The following CSMD1 variants were observed in gnomAD, a reference collection of about 807,000 sequenced individuals.
CSMD1 encodes the protein CUB and sushi domain-containing protein 1.
In CSMD1, 213 loss-of-function variants were observed where a neutral mutation model predicts 417.5. That is an observed-to-expected ratio of 0.51 (90% CI 0.46 to 0.57). CSMD1 has a LOEUF of 0.57. Ranked by LOEUF, CSMD1 falls within the 20% of genes least tolerant of loss-of-function variation. CSMD1 has a pLI of 0.00. For missense variants in CSMD1, 6,923 were observed against 4,529.7 expected, an observed-to-expected ratio of 1.53 and a Z score of -15.17; for synonymous variants, 2,862 against 1,736.8, an observed-to-expected ratio of 1.65 and a Z score of -16.11.
At chr8:3,829,616 A>C (rs576914682) in intron 5 of CSMD1, among the ~76,000 whole-genome samples, 1 of 152,308 alleles carries the variant, frequency 6.6e-6, no homozygotes, top group African/African-American at 2.4e-5. Flanking sequence ...GGAGAGCTGA[A>C]GAAAAAGATG....
intron 5 of CSMD1, among the ~76,000 whole-genome samples, chr8:3,933,211 T>TAAC (rs1478649373): frequency 7.4e-6 from 1 of 135,822 alleles, no homozygotes; most frequent in African/African-American, 2.8e-5. Context: ...AAACAATTTC[T>TAAC]TGTTAAGTAG....
At chr8:4,243,805 G>C (rs557299396) in intron 3 of CSMD1, among the ~76,000 whole-genome samples, 2 of 152,242 alleles carry the variant, frequency 1.3e-5, no homozygotes, top group Admixed American at 6.5e-5. Context: ...TCATGACAAG[G>C]TCATCTTTAC....
chr8:4,228,959 G>A (rs946497474), intron 3 of CSMD1, among the ~76,000 whole-genome samples: 2 of 152,082 alleles, frequency 1.3e-5, no homozygotes, highest in African/African-American at 4.8e-5. Flanking sequence ...GAGCCACTGA[G>A]CCAAGCCAGG....
chr8:3,878,452 G>A (rs1805979299), intron 5 of CSMD1, among the ~76,000 whole-genome samples: 1 of 151,986 alleles, frequency 6.6e-6, no homozygotes, highest in Non-Finnish European at 1.5e-5. Flanking sequence ...CCTTTCCAGT[G>A]TAAACATGAA....
At chr8:4,162,615 A>G (rs938250669) in intron 3 of CSMD1, among the ~76,000 whole-genome samples, 2 of 152,142 alleles carry the variant, frequency 1.3e-5, no homozygotes, top group South Asian at 2.1e-4. Context: ...TTCTAGGTTC[A>G]CAAAAAACAT....
intron 2 of CSMD1, among the ~76,000 whole-genome samples, chr8:4,444,901 G>C (rs1154064): frequency 0.68 from 103,648 of 152,004 alleles, 35,630 homozygotes; most frequent in African/African-American, 0.77. Context: ...CTCTGACCTT[G>C]TCCAGGTCTT....
At chr8:2,977,666 T>C (rs569838962) in intron 55 of CSMD1, among the ~76,000 whole-genome samples, 6 of 152,286 alleles carry the variant, frequency 3.9e-5, no homozygotes, top group East Asian at 1.9e-4. Flanking sequence ...ATGAAAATCG[T>C]TGCAATCTAT....
intron 7 of CSMD1, among the ~76,000 whole-genome samples, chr8:3,705,121 A>C (rs17067053): frequency 0.14 from 21,345 of 152,230 alleles, 1,830 homozygotes; most frequent in East Asian, 0.24. Flanking sequence ...CTCTGTTTGC[A>C]AAAGGGTGAA....
At chr8:3,391,869 T>C (rs1435830008) in intron 17 of CSMD1, among the ~76,000 whole-genome samples, 1 of 152,192 alleles carries the variant, frequency 6.6e-6, no homozygotes, top group Non-Finnish European at 1.5e-5. Context: ...GGAGTGTTTA[T>C]AATGTGAAAC....
intron 8 of CSMD1, among the ~76,000 whole-genome samples, chr8:3,609,366 A>G (rs1195290465): frequency 2.0e-5 from 3 of 152,232 alleles, no homozygotes; most frequent in Admixed American, 1.3e-4. Flanking sequence ...TGTGATGAAT[A>G]CACTTTGTCT....
At chr8:3,363,959 T>A (rs757857991) in intron 20 of CSMD1, among the ~76,000 whole-genome samples, 1 of 152,106 alleles carries the variant, frequency 6.6e-6, no homozygotes, top group Admixed American at 6.5e-5. Context: ...ACCGTTAACA[T>A]CTGCAGAAAT....
At chr8:3,255,231 G>GT (rs1800563226) in intron 26 of CSMD1, among the ~76,000 whole-genome samples, 1 of 152,080 alleles carries the variant, frequency 6.6e-6, no homozygotes, top group Non-Finnish European at 1.5e-5. Flanking sequence ...TCCTCTGGAA[G>GT]TTTTTCTCAG....
chr8:4,516,389 G>A (rs909278998), intron 2 of CSMD1, among the ~76,000 whole-genome samples: 1 of 152,166 alleles, frequency 6.6e-6, no homozygotes, highest in Non-Finnish European at 1.5e-5. Context: ...ATGGCAGCCT[G>A]AGACTAACAC....
At chr8:4,100,812 A>C (rs865997730) in intron 3 of CSMD1, among the ~76,000 whole-genome samples, 1 of 152,214 alleles carries the variant, frequency 6.6e-6, no homozygotes, top group Non-Finnish European at 1.5e-5. Context: ...TAAAAAGTTA[A>C]AAGTTAAACA....
At chr8:4,890,950 G>A (rs569208336) in intron 1 of CSMD1, among the ~76,000 whole-genome samples, 2 of 152,204 alleles carry the variant, frequency 1.3e-5, no homozygotes, top group South Asian at 2.1e-4. Context: ...GAATCCAAGG[G>A]AAAGTATTGG....
At chr8:3,886,943 A>G (rs1454027838) in intron 5 of CSMD1, among the ~76,000 whole-genome samples, 1 of 152,176 alleles carries the variant, frequency 6.6e-6, no homozygotes, top group Admixed American at 6.5e-5. Context: ...GTCATTTTTC[A>G]GTGAAATGCA....
chr8:3,013,326 G>A (rs140859978), intron 52 of CSMD1, among the ~76,000 whole-genome samples: 67 of 152,242 alleles, frequency 4.4e-4, no homozygotes, highest in Non-Finnish European at 7.9e-4. Flanking sequence ...GACTCTACCC[G>A]TCAGGGCTGG....
intron 3 of CSMD1, among the ~76,000 whole-genome samples, chr8:4,124,636 G>T (rs762684058): frequency 2.6e-5 from 4 of 152,286 alleles, no homozygotes; most frequent in South Asian, 2.1e-4. Context: ...CACTGGCAAG[G>T]CCCAGTGTGA....
chr8:4,036,344 C>T (rs115554952), intron 3 of CSMD1, among the ~76,000 whole-genome samples: 31,438 of 151,904 alleles, frequency 0.21, 3,583 homozygotes, highest in East Asian at 0.39. Context: ...AAAGAGGGAC[C>T]CCTCCAAAAT....
Sources: allele counts gnomAD v4.1 joint callset (sites outside exome capture counted in the v4.1 genomes callset), GRCh38; gene constraint gnomAD v4.1.1; transcripts MANE v1.5; gene names NCBI Gene and HGNC (gene_info 2026-07-23, HGNC 2026-07-21).